Variants in HS2ST1 observed in about 807,000 individuals in gnomAD.
HS2ST1 encodes heparan sulfate 2-O-sulfotransferase 1, also known as 2-O-sulfotransferase.
In HS2ST1, 18 loss-of-function variants were observed where a neutral mutation model predicts 42.9. The observed-to-expected ratio is 0.42, with a 90% CI of 0.29 to 0.62. HS2ST1 has a LOEUF of 0.62. Among genes scored for constraint, HS2ST1 ranks in the 20% least tolerant of loss-of-function variants. HS2ST1 has a pLI of 0.21. For synonymous variants in HS2ST1, 146 were observed against 152.9 expected (o/e 0.95, Z 0.33); for missense variants, 334 against 433.8 (o/e 0.77, Z 2.04).
intron 3 of HS2ST1, among the ~76,000 whole-genome samples, chr1:87,085,956 A>C (rs1437880773): frequency 1.3e-5 from 2 of 152,286 alleles, no homozygotes; most frequent in Non-Finnish European, 2.9e-5. Context: ...AGTGAGTCTT[A>C]TGTTATTTGA....
intron 3 of HS2ST1, among the ~76,000 whole-genome samples, chr1:87,088,204 C>T (rs2100647089): frequency 6.6e-6 from 1 of 152,112 alleles, no homozygotes; most frequent in East Asian, 1.9e-4. Context: ...TTGTATAAGA[C>T]TCTTAGCCTC....
At chr1:86,991,483 A>G (rs1371601408) in intron 1 of HS2ST1, among the ~76,000 whole-genome samples, 1 of 152,246 alleles carries the variant, frequency 6.6e-6, no homozygotes, top group Non-Finnish European at 1.5e-5. Flanking sequence ...TGATTGGCCA[A>G]GCCTTGTAAT....
intron 1 of HS2ST1, among the ~76,000 whole-genome samples, chr1:86,962,015 T>C (rs1439803785): frequency 2.0e-5 from 3 of 152,184 alleles, no homozygotes; most frequent in African/African-American, 7.2e-5. Context: ...GGACATCTGG[T>C]TTATTTTCAT....
At chr1:86,921,292 AGTT>A (rs1660290410) in intron 1 of HS2ST1, among the ~76,000 whole-genome samples, 1 of 152,008 alleles carries the variant, frequency 6.6e-6, no homozygotes, top group Non-Finnish European at 1.5e-5. Flanking sequence ...TTTTTCTTGT[AGTT>A]ATGTCACTTT....
intron 2 of HS2ST1, among the ~76,000 whole-genome samples, chr1:87,081,966 G>A (rs1448868754): frequency 2.2e-5 from 3 of 137,718 alleles, no homozygotes; most frequent in African/African-American, 8.1e-5. Flanking sequence ...GCAAGACTCC[G>A]TCTCAAAAAA....
At position 87,016,888 on chromosome 1, in the gene HS2ST1, T is replaced by C. The variant is rs887373160; in HGVS notation, c.125-56046T>C. ...GGTTTTTTTTTTTCAGGTTTTCACT[T>C]TCTTTTTGGGGTCAATTTTTATGAC... is the stretch of plus-strand genomic sequence containing the variant. On this transcript the variant is annotated intron_variant, in intron 1 of 6. Transcript: ENST00000370550. Among the ~76,000 whole-genome samples the C allele has an allele frequency of 4.6e-5, 7 of 152,104 alleles. No homozygotes were observed. In the South Asian group the frequency reaches 6.2e-4, roughly 14 times the overall value.
intron 1 of HS2ST1, among the ~76,000 whole-genome samples, chr1:87,060,681 T>C (rs1289866198): frequency 6.6e-6 from 1 of 152,154 alleles, no homozygotes; most frequent in African/African-American, 2.4e-5. Context: ...TGTAGGTGAT[T>C]AGTGTATTTC....
intron 1 of HS2ST1, among the ~76,000 whole-genome samples, chr1:87,055,698 ATAAT>A (rs1180386577): frequency 3.9e-5 from 6 of 152,312 alleles, no homozygotes; most frequent in Non-Finnish European, 8.8e-5. Context: ...CATTTTCATA[ATAAT>A]TCTAAGATGT....
intron 1 of HS2ST1, among the ~76,000 whole-genome samples, chr1:87,062,339 CT>C (rs2100624225): frequency 6.6e-6 from 1 of 151,438 alleles, no homozygotes; most frequent in African/African-American, 2.4e-5. Flanking sequence ...AGTTTAATGT[CT>C]TTATATAGTC....
intron 1 of HS2ST1, among the ~76,000 whole-genome samples, chr1:86,959,235 T>C (rs899504188): frequency 1.3e-5 from 2 of 152,176 alleles, no homozygotes; most frequent in Admixed American, 1.3e-4. Context: ...TCCTGGTTAA[T>C]GCAATAAGAC....
chr1:87,014,773 G>T (rs1385525915), intron 1 of HS2ST1, among the ~76,000 whole-genome samples: 1 of 152,204 alleles, frequency 6.6e-6, no homozygotes, highest in Non-Finnish European at 1.5e-5. Context: ...GCAACTGGCT[G>T]TCCAACCTTT....
intron 1 of HS2ST1, among the ~76,000 whole-genome samples, chr1:86,954,039 TTAAAA>T (rs1462908768): frequency 3.6e-4 from 43 of 121,106 alleles, no homozygotes; most frequent in African/African-American, 1.4e-3. Context: ...ACTGTTTTTT[TTAAAA>T]AAAAAAAAAA....
chr1:87,002,220 G>A (rs897320259), intron 1 of HS2ST1, among the ~76,000 whole-genome samples: 4 of 152,148 alleles, frequency 2.6e-5, no homozygotes, highest in African/African-American at 9.6e-5. Context: ...CCGGACTATT[G>A]TATTTTTAAA....
At chr1:87,099,434 G>T (rs1652148759) in intron 5 of HS2ST1, among the ~76,000 whole-genome samples, 1 of 152,158 alleles carries the variant, frequency 6.6e-6, no homozygotes, top group East Asian at 1.9e-4. Flanking sequence ...CAAACAACCA[G>T]ATCTTACGTG....
At chr1:87,003,231 A>G (rs1243686814) in intron 1 of HS2ST1, among the ~76,000 whole-genome samples, 7 of 152,234 alleles carry the variant, frequency 4.6e-5, no homozygotes, top group Admixed American at 2.0e-4. Context: ...AAAGCTCTTT[A>G]AGATGCATTT....
intron 1 of HS2ST1, among the ~76,000 whole-genome samples, chr1:87,033,499 A>T (rs1430080445): frequency 1.3e-5 from 2 of 152,018 alleles, no homozygotes; most frequent in African/African-American, 4.8e-5. Flanking sequence ...TCTTTCTCTA[A>T]TTCTTCTATA....
At chr1:87,014,609 T>C (rs544934201) in intron 1 of HS2ST1, among the ~76,000 whole-genome samples, 5 of 152,246 alleles carry the variant, frequency 3.3e-5, no homozygotes, top group Non-Finnish European at 7.4e-5. Context: ...CAAAAAACCC[T>C]GACAAATAGA....
chr1:87,103,430 A>C lies in HS2ST1; in HGVS notation c.687-2A>C. On this transcript the variant is annotated splice_acceptor_variant, in intron 5 of 6. Transcript: ENST00000370550. LOFTEE classifies it high-confidence loss of function. Reference sequence around the variant, plus strand: ...GTTTTAATTCCTTTTCTTTGGTTTCAGGAATGTGGGAAGCAGGTGGGCTAT... The same window carrying C: ...GTTTTAATTCCTTTTCTTTGGTTTCCGGAATGTGGGAAGCAGGTGGGCTAT... 1 of 1,589,298 alleles carries C rather than the reference A, an allele frequency of 6.3e-7. No individual in the cohort carries two copies. Among genetic ancestry groups the C allele is most frequent in the Non-Finnish European group, 8.5e-7 (1 of 1,171,414 alleles).
intron 4 of HS2ST1, among the ~76,000 whole-genome samples, chr1:87,095,633 ATAAC>A (rs1250402906): frequency 6.6e-6 from 1 of 152,198 alleles, no homozygotes; most frequent in African/African-American, 2.4e-5. Flanking sequence ...TGAGCATTGA[ATAAC>A]TATATCAATC....
Sources: gnomAD v4.1 joint callset for allele counts (sites outside exome capture counted in the v4.1 genomes callset) on GRCh38, gnomAD v4.1.1 for gene constraint, MANE v1.5 for transcripts, NCBI Gene and HGNC (gene_info 2026-07-23, HGNC 2026-07-21) for gene names.